GRHPR: variants seen among roughly 807,000 people sequenced by gnomAD.
GRHPR encodes glyoxylate reductase/hydroxypyruvate reductase.
GRHPR carries 35 observed loss-of-function variants against 36.8 expected under a neutral mutation model. The observed-to-expected ratio is 0.95, with a 90% CI of 0.73 to 1.26. The LOEUF (loss-of-function observed/expected upper bound fraction) is 1.26, where lower values mean the gene tolerates loss of function less well. Ranked by LOEUF, GRHPR falls within the 50% of genes most tolerant of loss-of-function variation. The pLI is 0.00. For synonymous variants in GRHPR, 179 were observed against 181.0 expected (o/e 0.99, Z 0.09); for missense variants, 380 against 435.0 (o/e 0.87, Z 1.12).
chr9:37,426,300 A>G, intron 3 of GRHPR: 1 of 603,238 alleles, frequency 1.7e-6, no homozygotes, highest in Non-Finnish European at 2.9e-6. Flanking sequence ...GAAATTCAGA[A>G]AGGTTAAGTT....
chr9:37,435,328 G>A (rs1823590000), intron 8 of GRHPR, among the ~76,000 whole-genome samples: 1 of 152,192 alleles, frequency 6.6e-6, no homozygotes, highest in Non-Finnish European at 1.5e-5. Flanking sequence ...AGTATGTAAA[G>A]GGGTACTATA....
At chr9:37,424,708 C>T in intron 1 of GRHPR, 137 bp from the exon 2 acceptor site, 1 of 978,464 alleles carries the variant, frequency 1.0e-6, no homozygotes, top group East Asian at 2.7e-5. Context: ...GAGACCACCC[C>T]TGCCTGACCC....
In GRHPR at chr9:37,426,624, G is replaced by A. The variant is rs199560759; in HGVS notation, c.374G>A (p.Arg125Gln). The change falls in exon 4 of 9, where the codon CGG becomes CAG. Residue 125 changes from arginine to glutamine, a missense_variant. Transcript: ENST00000318158. ...TCCCTGCTACTTACCACCTGCCGCC[G>A]GTTGCCGGAGGCCATCGAGGAAGTG... Reference protein sequence around the residue: ...AVSLLLTTCRRLPEAIEEVKN... With the variant: ...AVSLLLTTCRQLPEAIEEVKN... 2.6e-4 allele frequency: 418 copies of A among 1,612,374 alleles called. No homozygotes were observed. Among genetic ancestry groups the A allele is most frequent in the Middle Eastern group, 6.6e-4 (4 of 6,060 alleles).
chr9:37,427,279 T>C (rs1039151484), intron 4 of GRHPR, among the ~76,000 whole-genome samples: 14 of 152,164 alleles, frequency 9.2e-5, no homozygotes, highest in African/African-American at 2.4e-4. Flanking sequence ...CACCATCCCT[T>C]AGATCCCAAA....
At chr9:37,424,510 A>G (rs1005636910) in intron 1 of GRHPR, among the ~76,000 whole-genome samples, 2 of 152,236 alleles carry the variant, frequency 1.3e-5, no homozygotes, top group African/African-American at 2.4e-5. Context: ...CACCTGAGGC[A>G]CACCCTGCCC....
chr9:37,431,844 G>A, intron 7 of GRHPR, 164 bp from the exon 8 acceptor site: 2 of 677,742 alleles, frequency 3.0e-6, no homozygotes, highest in Non-Finnish European at 5.1e-6. Context: ...GGAGTTCTCT[G>A]AGTATATAAG....
intron 1 of GRHPR, among the ~76,000 whole-genome samples, chr9:37,423,951 G>A (rs1822958952): frequency 1.3e-5 from 2 of 152,262 alleles, no homozygotes; most frequent in African/African-American, 2.4e-5. Flanking sequence ...CTCCCAGGTG[G>A]AGGAGCTGGG....
intron 2 of GRHPR, among the ~76,000 whole-genome samples, chr9:37,425,179 AG>A (rs1823023236): frequency 6.6e-6 from 1 of 152,138 alleles, no homozygotes; most frequent in Admixed American, 6.5e-5. Flanking sequence ...GGGGGACCCT[AG>A]GAGGGCAAAG....
At position 37,430,575 on chromosome 9, in the gene GRHPR, A is replaced by G. The variant is rs138575944; in HGVS notation, c.663A>G (p.Ala221=). ...TCGTGGCCTGCTCCTTAACACCTGCAACCGAGGGACTCTGCAACAAGGACT... is the reference window on the plus strand; with the variant it reads ...TCGTGGCCTGCTCCTTAACACCTGCGACCGAGGGACTCTGCAACAAGGACT... ...FIVVACSLTP[A]TEGLCNKDFF... is the part of the protein sequence containing the mutation. The change falls in exon 7 of 9, where the codon GCA becomes GCG. Residue 221 remains alanine (A), a synonymous_variant. Coordinates refer to ENST00000318158, the MANE Select transcript of GRHPR (RefSeq NM_012203.2). The G allele has an allele frequency of 1.2e-6, 2 of 1,613,538 alleles. No homozygotes were observed. The highest frequency in any genetic ancestry group is 1.7e-6 in the Non-Finnish European group (2 of 1,179,574).
At chr9:37,437,631 C>T (rs1231510688), downstream of GRHPR, among the ~76,000 whole-genome samples, 1 of 151,940 alleles carries the variant, frequency 6.6e-6, no homozygotes, top group Admixed American at 6.6e-5. Flanking sequence ...AGCACCTACA[C>T]ATATTGTTCC....
At chr9:37,423,907 A>C (rs1822956718) in intron 1 of GRHPR, among the ~76,000 whole-genome samples, 1 of 152,210 alleles carries the variant, frequency 6.6e-6, no homozygotes, top group Non-Finnish European at 1.5e-5. Context: ...TGGAGGCTGG[A>C]CTTAGGGTTA....
chr9:37,436,003 C>T (rs1444410784), intron 8 of GRHPR, among the ~76,000 whole-genome samples: 2 of 152,112 alleles, frequency 1.3e-5, no homozygotes, highest in African/African-American at 4.8e-5. Flanking sequence ...CTGTGCTGTT[C>T]AGCATTTCAT....
chr9:37,431,485 T>C, intron 7 of GRHPR: 1 of 232,118 alleles, frequency 4.3e-6, no homozygotes, highest in Non-Finnish European at 8.6e-6. Context: ...CTCTAGAAGA[T>C]GACTTCTTGC....
At chr9:37,426,315 G>T in intron 3 of GRHPR, 1 of 615,794 alleles carries the variant, frequency 1.6e-6, no homozygotes, top group South Asian at 1.9e-5. Flanking sequence ...TAAGTTACTT[G>T]TTCAGTCCCT....
chr9:37,435,185 A>G (rs1823582119), intron 8 of GRHPR, among the ~76,000 whole-genome samples: 1 of 152,194 alleles, frequency 6.6e-6, no homozygotes, highest in South Asian at 2.1e-4. Context: ...TAGGAGGTTG[A>G]GGCTGTAGTA....
intron 4 of GRHPR, 32 bp downstream of exon 4, chr9:37,426,686 A>C: frequency 3.0e-4 from 381 of 1,269,826 alleles, no homozygotes; most frequent in Non-Finnish European, 4.0e-4. Flanking sequence ...GCGGTGGCTC[A>C]CGGCTGTAAT....
chr9:37,432,599 A>C, intron 8 of GRHPR: 1 of 218,174 alleles, frequency 4.6e-6, no homozygotes, highest in Non-Finnish European at 9.3e-6. Context: ...AATCGCTTGA[A>C]CCCAGGAGGC....
chr9:37,429,648 T>C (rs761861568), intron 5 of GRHPR, 84 bp from the exon 6 acceptor site: 2 of 906,058 alleles, frequency 2.2e-6, no homozygotes, highest in Non-Finnish European at 3.7e-6. Flanking sequence ...GGGTCTGCCC[T>C]GAGGGCCGCT....
chr9:37,424,589 TCTC>T (rs1385585974), intron 1 of GRHPR, among the ~76,000 whole-genome samples: 5 of 152,212 alleles, frequency 3.3e-5, no homozygotes, highest in African/African-American at 1.2e-4. Context: ...GGAAAGCTCT[TCTC>T]TGTGCTGACC....
Sources: gnomAD v4.1 joint callset for allele counts (sites outside exome capture counted in the v4.1 genomes callset) on GRCh38, gnomAD v4.1.1 for gene constraint, MANE v1.5 for transcripts, NCBI Gene and HGNC (gene_info 2026-07-23, HGNC 2026-07-21) for gene names.